CNIH2: variants seen among roughly 807,000 people sequenced by gnomAD.
CNIH2 encodes protein cornichon homolog 2.
CNIH2 carries 8 observed loss-of-function variants against 22.9 expected under a neutral mutation model. The observed-to-expected ratio is 0.35, with a 90% CI of 0.20 to 0.63. The LOEUF (loss-of-function observed/expected upper bound fraction) is 0.63, where lower values mean the gene tolerates loss of function less well. Among genes scored for constraint, CNIH2 ranks in the 30% least tolerant of loss-of-function variants. The pLI is 0.72. For missense variants in CNIH2, 105 were observed against 206.2 expected (o/e 0.51, Z 3.01); for synonymous variants, 74 against 78.2 (o/e 0.95, Z 0.28).
In CNIH2 at chr11:66,278,407, G is replaced by T. The variant is rs2134873228; in HGVS notation, c.-50G>T. Reference sequence around the variant, plus strand: ...CGCGGGCCGGGGGGCGTCCCCTTGCGCCCGGGCCCCGCGCTGGCGCCCCCC... The same window carrying T: ...CGCGGGCCGGGGGGCGTCCCCTTGCTCCCGGGCCCCGCGCTGGCGCCCCCC... On this transcript the variant is annotated 5_prime_UTR_variant, in exon 1 of 6. Transcript: ENST00000311445. The T allele has an allele frequency of 4.6e-6, 4 of 876,772 alleles. No homozygotes were observed. The highest frequency in any genetic ancestry group is 5.6e-6 in the Non-Finnish European group (4 of 717,570). 54.3% of individuals were successfully genotyped at this position (876,772 alleles called of 1,614,324 possible).
intron 2 of CNIH2, 64 bp downstream of exon 2, chr11:66,282,391 T>A (rs771235150): frequency 6.8e-5 from 10 of 147,314 alleles, no homozygotes. Flanking sequence ...TGTCGTGGGC[T>A]GGGGGTGGGA....
rs575335166 is a variant in CNIH2, at chr11:66,278,784, G to A, written c.81+247G>A. Among the ~76,000 whole-genome samples the A allele has an allele frequency of 2.8e-3, 393 of 140,258 alleles. 3 individuals are homozygous for A. Among genetic ancestry groups the A allele is most frequent in the African/African-American group, 0.01 (377 of 36,768 alleles). 92.0% of individuals were successfully genotyped at this position (140,258 alleles called of 152,430 possible). On this transcript the variant is annotated intron_variant, in intron 1 of 5. Transcript: ENST00000311445. ...GTCTCTGACCCCCTCCTCTGCCCTC[G>A]TCCTCTGCTCCCATGCAGCCCGTGA...
At chr11:66,278,884 A>C (rs1174640327) in intron 1 of CNIH2, among the ~76,000 whole-genome samples, 1 of 28,044 alleles carries the variant, frequency 3.6e-5, no homozygotes, top group Non-Finnish European at 6.9e-5. Flanking sequence ...AGCCGCCTCC[A>C]TTAGTCCGTC....
Position 66,282,799 on chromosome 11 carries a change from G to C in CNIH2, c.198+19G>C. 1 of 1,604,652 alleles carries C rather than the reference G, an allele frequency of 6.2e-7. No individual in the cohort carries two copies. The highest frequency in any genetic ancestry group is 8.5e-7 in the Non-Finnish European group (1 of 1,175,906). ...GAGGAAGGTCAGTGTCAGGGCTGGG[G>C]GCAGGAGGCTCCTAGCCCAGCGCTG... On this transcript the variant is annotated intron_variant, in intron 3 of 5. Coordinates refer to ENST00000311445, the MANE Select transcript of CNIH2 (RefSeq NM_182553.3).
intron 5 of CNIH2, 40 bp downstream of exon 5, chr11:66,283,431 A>G: frequency 6.2e-7 from 1 of 1,612,756 alleles, no homozygotes; most frequent in Non-Finnish European, 8.5e-7. Flanking sequence ...CAGGGAAGGG[A>G]TGTCCCAGCA....
chr11:66,278,517 A>G lies in CNIH2; in HGVS notation c.61A>G (p.Ile21Val), dbSNP rs1252400275. The G allele has an allele frequency of 2.0e-6, 3 of 1,507,468 alleles. No individual in the cohort carries two copies. Among genetic ancestry groups the G allele is most frequent in the Admixed American group, 1.9e-5 (1 of 52,484 alleles). The allele number at this position is 1,507,468 out of a possible 1,614,324, so 93.4% of individuals were successfully genotyped here. The change falls in exon 1 of 6, where the codon ATC (isoleucine) becomes GTC (valine). Residue 21 changes from isoleucine (I) to valine (V), a missense_variant. Coordinates refer to ENST00000311445, the MANE Select transcript of CNIH2 (RefSeq NM_182553.3). ...CACCCTGGTGCTGTGCGCCTCCCTCATCTTCTTTGTCATCTGGCACGTAAG... is the reference window on the plus strand; with the variant it reads ...CACCCTGGTGCTGTGCGCCTCCCTCGTCTTCTTTGTCATCTGGCACGTAAG... ...MLTLVLCASL[I>V]FFVIWHIIAF...
In CNIH2 at chr11:66,283,877, C is replaced by T. The variant is rs893194590; in HGVS notation, c.*280C>T. 6 of 432,088 alleles carry T rather than the reference C, an allele frequency of 1.4e-5. No homozygotes were observed. Among genetic ancestry groups the T allele is most frequent in the African/African-American group, 4.0e-5 (2 of 49,902 alleles). The allele number at this position is 432,088 out of a possible 1,614,324, so 26.8% of individuals were successfully genotyped here. A position where few individuals can be genotyped will look rare whatever the true frequency, so the allele number is the denominator to read the frequency against. On this transcript the variant is annotated 3_prime_UTR_variant, in exon 6 of 6. Transcript: ENST00000311445. ...TCATTCCTGGAAGGGGCAGGACCTC[C>T]GGCCTTGTCCATTTCGGGGGAAACT... is the stretch of plus-strand genomic sequence containing the variant.
intron 1 of CNIH2, among the ~76,000 whole-genome samples, chr11:66,281,782 T>G (rs1291977438): frequency 6.6e-6 from 1 of 151,576 alleles, no homozygotes; most frequent in Non-Finnish European, 1.5e-5. Flanking sequence ...TTTCCCCCAT[T>G]TGCTCACCAA....
chr11:66,278,923 C>CA (rs1351565912), intron 1 of CNIH2, among the ~76,000 whole-genome samples: 1 of 104,128 alleles, frequency 9.6e-6, no homozygotes, highest in Non-Finnish European at 2.2e-5. Context: ...CTGCCCCCCC[C>CA]CCCCCGCCTT....
intron 5 of CNIH2, 26 bp from the exon 6 acceptor site, chr11:66,283,544 A>G (rs1857296987): frequency 6.2e-7 from 1 of 1,601,838 alleles, no homozygotes. Context: ...GTGCAGGGCT[A>G]GGCTCACTGG....
chr11:66,278,490 C>T lies in CNIH2; in HGVS notation c.34C>T (p.Leu12Phe). Residue 12 changes from leucine to phenylalanine, a missense_variant, in exon 1 of 6, where the codon CTC (leucine) becomes TTC (phenylalanine). Leu to Phe is a conservative substitution (Grantham distance 22). Transcript: ENST00000311445. ...CACCTTCGCCGCGTTCTGCTACATG[C>T]TCACCCTGGTGCTGTGCGCCTCCCT... is the stretch of plus-strand genomic sequence containing the variant. ...AFTFAAFCYM[L>F]TLVLCASLIF... The T allele has an allele frequency of 6.6e-7, 1 of 1,526,704 alleles. No homozygotes were observed. The highest frequency in any genetic ancestry group is 8.8e-7 in the Non-Finnish European group (1 of 1,137,394). The allele number at this position is 1,526,704 out of a possible 1,614,324, so 94.6% of individuals were successfully genotyped here. A position where few individuals can be genotyped will look rare whatever the true frequency, so the allele number is the denominator to read the frequency against.
At chr11:66,278,916 C>CCCG (rs1555005512) in intron 1 of CNIH2, among the ~76,000 whole-genome samples, 1 of 19,026 alleles carries the variant, frequency 5.3e-5, no homozygotes, top group African/African-American at 4.2e-4. Context: ...CTGTCTGCTG[C>CCCG]CCCCCCCCCC....
Position 66,283,675 on chromosome 11 carries a change from G to A in CNIH2, c.*78G>A, listed in dbSNP as rs1857300007. On this transcript the variant is annotated 3_prime_UTR_variant, in exon 6 of 6. Transcript: ENST00000311445. ...CCCAGCCCTGCCCCTTGGCCGCAGA[G>A]GCCTCAGCCCTGGGGAGGGAGGGGG... 1 of 1,509,538 alleles carries A rather than the reference G, an allele frequency of 6.6e-7. No homozygotes were observed. The highest frequency in any genetic ancestry group is 9.0e-7 in the Non-Finnish European group (1 of 1,113,388). 93.5% of individuals were successfully genotyped at this position (1,509,538 alleles called of 1,614,324 possible). A position where few individuals can be genotyped will look rare whatever the true frequency, so the allele number is the denominator to read the frequency against.
At position 66,283,228 on chromosome 11, in the gene CNIH2, C is replaced by G. The variant is rs750871966; in HGVS notation, c.312-20C>G. ...GGTGGGAGTCCTGATGGCAGACACTCAGGCCCCTGTCTGCCCCAGGTACTT... is the reference window on the plus strand; with the variant it reads ...GGTGGGAGTCCTGATGGCAGACACTGAGGCCCCTGTCTGCCCCAGGTACTT... On this transcript the variant is annotated intron_variant, in intron 4 of 5. Coordinates refer to ENST00000311445, the MANE Select transcript of CNIH2 (RefSeq NM_182553.3). The G allele has an allele frequency of 4.3e-6, 7 of 1,613,750 alleles. No individual in the cohort carries two copies. Among genetic ancestry groups the G allele is most frequent in the Non-Finnish European group, 2.5e-6 (3 of 1,179,960 alleles).
intron 1 of CNIH2, among the ~76,000 whole-genome samples, 187 bp downstream of exon 1, chr11:66,278,724 C>G (rs1019707870): frequency 1.2e-4 from 18 of 149,984 alleles, no homozygotes; most frequent in Non-Finnish European, 2.4e-4. Context: ...CCCCCTTCCT[C>G]CGCCGCCCCC....
intron 1 of CNIH2, among the ~76,000 whole-genome samples, chr11:66,280,465 C>T (rs561897449): frequency 1.3e-5 from 2 of 152,298 alleles, no homozygotes; most frequent in South Asian, 4.1e-4. Flanking sequence ...CAGTCCACAG[C>T]TGCTAAGAAC....
At position 66,283,608 on chromosome 11, in the gene CNIH2, G is replaced by A. The variant is rs1309645002; in HGVS notation, c.*11G>A. ...TTGGTGAGTTTCTAAGGGGGAAGCC[G>A]GCCAGGGAGCGAGCCCAGAACGGAC... On this transcript the variant is annotated 3_prime_UTR_variant, in exon 6 of 6. Transcript: ENST00000311445. 1.3e-5 allele frequency: 20 copies of A among 1,567,842 alleles called. No individual in the cohort carries two copies. Among genetic ancestry groups the A allele is most frequent in the Middle Eastern group, 3.4e-4 (2 of 5,936 alleles).
rs1418337622 is a variant in CNIH2, at chr11:66,284,025, G to C, written c.*428G>C. On this transcript the variant is annotated 3_prime_UTR_variant, in exon 6 of 6. Coordinates refer to ENST00000311445, the MANE Select transcript of CNIH2 (RefSeq NM_182553.3). The stretch of plus-strand genomic sequence containing the variant: ...CACCGGGAATGAGCAGGCTCAGCAG[G>C]GGGGCAGCCCCACCCCTAGTCTGCC... 3.8e-5 allele frequency: 8 copies of C among 209,030 alleles called. No homozygotes were observed. The highest frequency in any genetic ancestry group is 7.9e-5 in the Non-Finnish European group (8 of 101,432). The allele number at this position is 209,030 out of a possible 1,614,324, so 12.9% of individuals were successfully genotyped here. A position where few individuals can be genotyped will look rare whatever the true frequency, so the allele number is the denominator to read the frequency against.
At chr11:66,282,623 GC>G in intron 2 of CNIH2, 109 bp from the exon 3 acceptor site, 1 of 1,327,834 alleles carries the variant, frequency 7.5e-7, no homozygotes, top group Admixed American at 1.8e-5. Flanking sequence ...TGCCGACAGT[GC>G]CGCAGAGATC....
Sources: allele counts gnomAD v4.1 joint callset (sites outside exome capture counted in the v4.1 genomes callset), GRCh38; gene constraint gnomAD v4.1.1; transcripts MANE v1.5; gene names NCBI Gene and HGNC (gene_info 2026-07-23, HGNC 2026-07-21).